C11orf65: variants seen among roughly 807,000 people sequenced by gnomAD.
C11orf65 encodes the protein protein MFI.
In C11orf65, 38 loss-of-function variants were observed where a neutral mutation model predicts 35.3. The observed-to-expected ratio is 1.08, with a 90% CI of 0.83 to 1.41. The LOEUF (loss-of-function observed/expected upper bound fraction) is 1.41. Among genes scored for constraint, C11orf65 ranks in the 40% most tolerant of loss-of-function variants. The probability of loss-of-function intolerance (pLI) is 0.00; values close to 1 mark genes in which losing one functional copy is unlikely to be tolerated. For synonymous variants in C11orf65, 105 were observed against 114.4 expected (o/e 0.92, Z 0.53); for missense variants, 370 against 367.1 (o/e 1.01, Z -0.06).
At chr11:108,450,513 C>G (rs1222225607) in intron 2 of C11orf65, among the ~76,000 whole-genome samples, 19 of 149,782 alleles carry the variant, frequency 1.3e-4, no homozygotes, top group Admixed American at 1.1e-3. Flanking sequence ...TCTTAGCAAG[C>G]TATGGCAAGA....
intron 2 of C11orf65, chr11:108,366,645 T>C (rs2091346459): frequency 4.3e-6 from 1 of 231,262 alleles, no homozygotes; most frequent in East Asian, 6.1e-5. Flanking sequence ...ATTCTTATTT[T>C]AATTTCTTGG....
At chr11:108,325,249 G>GTTTTTTTTTTTTTTT (rs11366542) in intron 6 of C11orf65, 4 of 566,214 alleles carry the variant, frequency 7.1e-6, no homozygotes, top group East Asian at 3.4e-5. Flanking sequence ...AACTTACATA[G>GTTTTTTTTTTTTTTT]TTTTTTTTTT....
At chr11:108,424,477 ACT>A (rs2092870232) in intron 3 of C11orf65, among the ~76,000 whole-genome samples, 3 of 152,138 alleles carry the variant, frequency 2.0e-5, no homozygotes. Flanking sequence ...GTTGGAAAAC[ACT>A]CTCCCAATAC....
intron 3 of C11orf65, among the ~76,000 whole-genome samples, chr11:108,411,348 A>G (rs2092653718): frequency 1.3e-5 from 2 of 152,188 alleles, no homozygotes; most frequent in Non-Finnish European, 1.5e-5. Context: ...TGATTTCAAA[A>G]CTTGGAAATT....
At position 108,463,789 on chromosome 11, in the gene C11orf65, A is replaced by G. The variant is rs572630392; in HGVS notation, c.-9-2221T>C. Among the ~76,000 whole-genome samples, 4 of 152,344 alleles carry G rather than the reference A, an allele frequency of 2.6e-5. No homozygotes were observed. The East Asian group carries it at 7.7e-4, about 29-fold the overall frequency. On this transcript the variant is annotated intron_variant, in intron 1 of 8. Transcript: ENST00000393084. ...TATAATACAAACTATTTTCCAAAATAAAAACTATTCATGTGCATTATTCCA... is the reference window on the plus strand; with the variant it reads ...TATAATACAAACTATTTTCCAAAATGAAAACTATTCATGTGCATTATTCCA...
downstream of C11orf65, chr11:108,327,901 C>A: frequency 1.3e-6 from 1 of 750,102 alleles, no homozygotes; most frequent in Non-Finnish European, 2.2e-6. Context: ...TCTGTATAGT[C>A]TCTAGGGTGG....
downstream of C11orf65, among the ~76,000 whole-genome samples, chr11:108,328,622 A>G (rs558132622): frequency 3.9e-5 from 6 of 152,266 alleles, 1 homozygote; most frequent in South Asian, 1.2e-3. Flanking sequence ...GGTTATTTCT[A>G]CACTGTCAAA....
chr11:108,331,765 T>C (rs758674172), intron 3 of C11orf65: 12 of 1,358,662 alleles, frequency 8.8e-6, no homozygotes, highest in Non-Finnish European at 1.2e-5. Context: ...GCATACACGC[T>C]CTACCCACTG....
At position 108,345,918 on chromosome 11, in the gene C11orf65, T is replaced by C. The variant is rs373321041; in HGVS notation, c.227-10626A>G. ...GCTACTTCTTCTATTGGTAATCTTC[T>C]TGTACATATAGTAGATTGAGCACTT... is the stretch of plus-strand genomic sequence containing the variant. On this transcript the variant is annotated intron_variant, in intron 2 of 3. Coordinates refer to the C11orf65 transcript ENST00000524755. 2.8e-5 allele frequency: 45 copies of C among 1,613,400 alleles called. No individual in the cohort carries two copies. The African/African-American group carries it at 5.2e-4, about 19-fold the overall frequency.
chr11:108,363,941 T>C (rs2091067391), intron 2 of C11orf65, among the ~76,000 whole-genome samples: 1 of 152,208 alleles, frequency 6.6e-6, no homozygotes, highest in Non-Finnish European at 1.5e-5. Flanking sequence ...TTCCCTTTTG[T>C]GGGTGAAACT....
downstream of C11orf65, among the ~76,000 whole-genome samples, chr11:108,381,489 G>A (rs2091864064): frequency 6.6e-6 from 1 of 152,194 alleles, no homozygotes; most frequent in South Asian, 2.1e-4. Flanking sequence ...AGTACATTCT[G>A]TATGGTTCCT....
chr11:108,396,788 G>A (rs1328933299), intron 6 of C11orf65, among the ~76,000 whole-genome samples: 1 of 150,598 alleles, frequency 6.6e-6, no homozygotes, highest in Non-Finnish European at 1.5e-5. Flanking sequence ...GAGCTGAGAT[G>A]GCGCCACTGC....
At chr11:108,443,930 A>C in intron 2 of C11orf65, among the ~76,000 whole-genome samples, 1 of 152,204 alleles carries the variant, frequency 6.6e-6, no homozygotes, top group Non-Finnish European at 1.5e-5. Flanking sequence ...AAGAGCAAAA[A>C]CATTCAAAAG....
intron 2 of C11orf65, among the ~76,000 whole-genome samples, chr11:108,448,746 C>T (rs541286656): frequency 2.0e-5 from 3 of 152,160 alleles, no homozygotes; most frequent in African/African-American, 4.8e-5. Flanking sequence ...CCCTCTCTCA[C>T]CACTCCTATT....
chr11:108,431,908 T>C, intron 2 of C11orf65, 70 bp from the exon 3 acceptor site: 1 of 901,716 alleles, frequency 1.1e-6, no homozygotes, highest in Non-Finnish European at 1.6e-6. Flanking sequence ...TTTTGTCTAA[T>C]CAGGGCAAAA....
chr11:108,377,418 C>CA (rs1294847525), intron 2 of C11orf65, among the ~76,000 whole-genome samples: 4 of 152,110 alleles, frequency 2.6e-5, no homozygotes, highest in Non-Finnish European at 5.9e-5. Flanking sequence ...AGGCCTTGGA[C>CA]AAAATTCAAC....
chr11:108,335,661 A>C (rs1233870689), intron 2 of C11orf65, among the ~76,000 whole-genome samples: 1 of 152,174 alleles, frequency 6.6e-6, no homozygotes, highest in African/African-American at 2.4e-5. Flanking sequence ...TTTCTAAATC[A>C]GTGTAAATGT....
At chr11:108,310,087 C>G (rs2084012584) in intron 6 of C11orf65, 2 of 1,501,552 alleles carry the variant, frequency 1.3e-6, no homozygotes, top group Non-Finnish European at 1.8e-6. Flanking sequence ...CCATTGTATT[C>G]TATATCAACA....
chr11:108,340,003 C>T (rs1040262854), intron 2 of C11orf65, among the ~76,000 whole-genome samples: 5 of 152,084 alleles, frequency 3.3e-5, no homozygotes, highest in Non-Finnish European at 7.4e-5. Flanking sequence ...AGTGCTAGGT[C>T]TATAGAAGTA....
Sources: gnomAD v4.1 joint callset for allele counts (sites outside exome capture counted in the v4.1 genomes callset) on GRCh38, gnomAD v4.1.1 for gene constraint, MANE v1.5 for transcripts, NCBI Gene and HGNC (gene_info 2026-07-23, HGNC 2026-07-21) for gene names.